The following ACER1 variants were observed in gnomAD, a reference collection of about 807,000 sequenced individuals.
The protein encoded by ACER1 is alkaline ceramidase 1, also known as CTB-180A7.3.
A neutral mutation model predicts 24.9 loss-of-function variants in ACER1; 28 were observed. The ratio of observed to expected loss-of-function variants is 1.13; its 90% CI spans 0.83 to 1.54. ACER1 has a LOEUF of 1.54. ACER1 is among the 40% of genes most tolerant of loss of function. The pLI is 0.00. For synonymous variants in ACER1, 132 were observed against 131.4 expected, an observed-to-expected ratio of 1.00 and a Z score of -0.03; for missense variants, 352 against 349.3, an observed-to-expected ratio of 1.01 and a Z score of -0.06.
chr19:6,355,881 G>C, the ACER1 span, among the ~76,000 whole-genome samples: 3 of 136,564 alleles, frequency 2.2e-5, no homozygotes, highest in African/African-American at 5.8e-5. Flanking sequence ...CAGCCGCCTC[G>C]GTCCGGGAGG....
intron 3 of ACER1, among the ~76,000 whole-genome samples, chr19:6,310,476 C>A (rs2091573732): frequency 6.6e-6 from 1 of 152,028 alleles, no homozygotes. Context: ...GAGGCTGAGG[C>A]ACGAGAATTG....
the ACER1 span, among the ~76,000 whole-genome samples, chr19:6,347,203 TTTTTC>T: frequency 1.8e-4 from 26 of 146,208 alleles, 1 homozygote; most frequent in African/African-American, 5.8e-4. Flanking sequence ...AAATAGTCTC[TTTTTC>T]TTTTCTTTTC....
At chr19:6,349,108 A>AGAG in the ACER1 span, among the ~76,000 whole-genome samples, 11 of 150,272 alleles carry the variant, frequency 7.3e-5, no homozygotes, top group Admixed American at 4.7e-4. Flanking sequence ...AAGAGGAAGA[A>AGAG]GAGGAGGAGG....
At chr19:6,359,892 C>G in the ACER1 span, among the ~76,000 whole-genome samples, 3 of 152,128 alleles carry the variant, frequency 2.0e-5, no homozygotes, top group East Asian at 5.8e-4. Context: ...CTCTTCATCT[C>G]TTGGTTCAAT....
In ACER1 at chr19:6,307,233, A is replaced by G. The variant is rs1163428246; in HGVS notation, c.546T>C (p.Val182=). 6.2e-7 allele frequency: 1 copy of G among 1,613,994 alleles called. No individual in the cohort carries two copies. Among genetic ancestry groups the G allele is most frequent in the Non-Finnish European group, 8.5e-7 (1 of 1,180,024 alleles). Residue 182 remains valine, a synonymous_variant, in exon 5 of 6, where the codon GTT becomes GTC. Coordinates refer to ENST00000301452, the MANE Select transcript of ACER1 (RefSeq NM_133492.3). ...LIEVSVVLWA[V]ALTSWISDRL... is the part of the protein sequence containing the mutation. ...GGTCACTGATCCAGCTGGTCAGAGC[A>G]ACAGCCCATAAAACCACGGAGACCT...
At chr19:6,324,346 T>C (rs1347291173) in intron 1 of ACER1, among the ~76,000 whole-genome samples, 1 of 150,538 alleles carries the variant, frequency 6.6e-6, no homozygotes, top group Non-Finnish European at 1.5e-5. Flanking sequence ...ACTTGGCCTC[T>C]TTTTAATTTT....
chr19:6,314,753 T>C (rs1208280125), intron 1 of ACER1, among the ~76,000 whole-genome samples: 1 of 152,146 alleles, frequency 6.6e-6, no homozygotes, highest in Non-Finnish European at 1.5e-5. Context: ...GGAAACGAAA[T>C]CATTATACTA....
the ACER1 span, among the ~76,000 whole-genome samples, chr19:6,356,961 A>C: frequency 6.6e-6 from 1 of 152,062 alleles, no homozygotes; most frequent in Non-Finnish European, 1.5e-5. Flanking sequence ...AAATTAAACA[A>C]GGCAAATGTT....
chr19:6,358,598 G>C, the ACER1 span, among the ~76,000 whole-genome samples: 1 of 149,830 alleles, frequency 6.7e-6, no homozygotes, highest in Non-Finnish European at 1.5e-5. Flanking sequence ...CTGCACTCCA[G>C]CCTGGGCGAC....
At chr19:6,331,153 C>CT (rs560393300) in intron 1 of ACER1, among the ~76,000 whole-genome samples, 28,839 of 134,714 alleles carry the variant, frequency 0.21, 5,238 homozygotes, top group African/African-American at 0.44. Context: ...ACAGCAAGCA[C>CT]TTTTTTTTTT....
chr19:6,312,143 AC>A lies in ACER1; in HGVS notation c.350+5del. ...ACCCTGTCCAGATGGCCAGCCCCTG[AC>A]CCACCTGTTCCCCCCAAGGAAGGAG... On this transcript the variant is annotated splice_donor_5th_base_variant and intron_variant, in intron 3 of 5. Transcript: ENST00000301452. 6.2e-7 allele frequency: 1 copy of A among 1,612,828 alleles called. No individual in the cohort carries two copies. Among genetic ancestry groups the A allele is most frequent in the Non-Finnish European group, 8.5e-7 (1 of 1,179,664 alleles).
chr19:6,358,608 C>CA, the ACER1 span, among the ~76,000 whole-genome samples: 7 of 143,216 alleles, frequency 4.9e-5, no homozygotes, highest in South Asian at 2.2e-4. Flanking sequence ...GCCTGGGCGA[C>CA]AGAGCGAGAC....
At chr19:6,350,348 A>C in the ACER1 span, among the ~76,000 whole-genome samples, 2 of 152,082 alleles carry the variant, frequency 1.3e-5, no homozygotes, top group Admixed American at 1.3e-4. Flanking sequence ...ACATGTATAC[A>C]TATGTAACAA....
In ACER1 at chr19:6,312,279, T is replaced by C. The variant is rs72981971; in HGVS notation, c.220A>G (p.Met74Val). The part of the protein sequence containing the change: ...VLFMIIGLFS[M>V]YFHMTLSFLG... ...AAGCTGAGCGTCATGTGGAAATACATGGAGAACAGGCCTGCAGCGGCAAGG... is the reference window on the plus strand; with the variant it reads ...AAGCTGAGCGTCATGTGGAAATACACGGAGAACAGGCCTGCAGCGGCAAGG... Residue 74 changes from methionine (M) to valine (V), a missense_variant, in exon 3 of 6, where the codon ATG becomes GTG. By Grantham distance (21) the Met-to-Val change is conservative. Transcript: ENST00000301452. 224,454 of 1,613,924 alleles carry C rather than the reference T, an allele frequency of 0.14. 18,185 individuals are homozygous for C. The highest frequency in any genetic ancestry group is 0.33 in the East Asian group (14,858 of 44,852).
Position 6,307,200 on chromosome 19 carries a change from A to C in ACER1, c.579T>G (p.Leu193=), listed in dbSNP as rs778976899. The C allele has an allele frequency of 6.2e-7, 1 of 1,614,134 alleles. No homozygotes were observed. The highest frequency in any genetic ancestry group is 8.5e-7 in the Non-Finnish European group (1 of 1,180,036). The change falls in exon 5 of 6, where the codon CTT becomes CTG. Residue 193 remains leucine, a synonymous_variant. Coordinates refer to ENST00000301452, the MANE Select transcript of ACER1 (RefSeq NM_133492.3). The stretch of plus-strand genomic sequence containing the variant: ...AATGAATCCTCTGCCAGAAGCTGCA[A>C]AGCAGACGGTCACTGATCCAGCTGG... ...ALTSWISDRL[L]CSFWQRIHFF... is the part of the protein sequence containing the mutation.
At chr19:6,324,818 G>C (rs1371457062) in intron 1 of ACER1, among the ~76,000 whole-genome samples, 8 of 139,902 alleles carry the variant, frequency 5.7e-5, no homozygotes, top group Non-Finnish European at 9.1e-5. Flanking sequence ...GAAAGAAGGA[G>C]AGAAGGAAAG....
chr19:6,325,429 G>A (rs539845622), intron 1 of ACER1, among the ~76,000 whole-genome samples: 1 of 152,268 alleles, frequency 6.6e-6, no homozygotes, highest in South Asian at 2.1e-4. Context: ...GAGGTGGGTG[G>A]ATCACTTGAG....
intron 1 of ACER1, among the ~76,000 whole-genome samples, chr19:6,314,838 G>A (rs1224035665): frequency 6.6e-6 from 1 of 152,062 alleles, no homozygotes; most frequent in Non-Finnish European, 1.5e-5. Flanking sequence ...CCAATGATTG[G>A]ATAAAGAAGA....
In ACER1 at chr19:6,312,403, CCCAGACA is replaced by C; in HGVS notation, c.183_189del (p.Val62SerfsTer4). The C allele has an allele frequency of 6.2e-7, 1 of 1,613,998 alleles. No individual in the cohort carries two copies. The highest frequency in any genetic ancestry group is 8.5e-7 in the Non-Finnish European group (1 of 1,180,006). On this transcript the variant is annotated frameshift_variant, in exon 2 of 6. Coordinates refer to ENST00000301452, the MANE Select transcript of ACER1 (RefSeq NM_133492.3). LOFTEE classifies it high-confidence loss of function. ...TCCCTACCTATGATCATGAAGAGGA[CCCAGACA>C]ACGTAAATGTAGCGGGAGCGCTTCT...
Sources: allele counts gnomAD v4.1 joint callset (sites outside exome capture counted in the v4.1 genomes callset), GRCh38; gene constraint gnomAD v4.1.1; transcripts MANE v1.5; gene names NCBI Gene and HGNC (gene_info 2026-07-23, HGNC 2026-07-21).